WWOX: variants seen among roughly 807,000 people sequenced by gnomAD.
WWOX encodes WW domain containing oxidoreductase.
Under a neutral mutation model 46.2 loss-of-function variants are expected in WWOX, and 69 were observed. The ratio of observed to expected loss-of-function variants is 1.49; its 90% CI spans 1.23 to 1.82. The LOEUF (loss-of-function observed/expected upper bound fraction) is 1.82, where lower values mean the gene tolerates loss of function less well. WWOX is among the 40% of genes most tolerant of loss of function. The pLI is 0.00. For synonymous variants in WWOX, 359 were observed against 202.6 expected (o/e 1.77, Z -6.56); for missense variants, 919 against 542.6 (o/e 1.69, Z -6.89).
chr16:78,827,485 C>T (rs982858166), intron 8 of WWOX, among the ~76,000 whole-genome samples: 1 of 151,964 alleles, frequency 6.6e-6, no homozygotes, highest in African/African-American at 2.4e-5. Flanking sequence ...ATTTCCAGCC[C>T]CATTTTCTGG....
intron 8 of WWOX, among the ~76,000 whole-genome samples, chr16:78,709,184 C>CTG (rs774202323): frequency 2.0e-5 from 3 of 152,142 alleles, no homozygotes; most frequent in Non-Finnish European, 4.4e-5. Context: ...GAGAGGGGTT[C>CTG]TGTGTGTGTG....
intron 8 of WWOX, among the ~76,000 whole-genome samples, chr16:78,441,016 C>T (rs975196322): frequency 1.3e-5 from 2 of 152,112 alleles, no homozygotes; most frequent in East Asian, 1.9e-4. Flanking sequence ...AATCTTGGCT[C>T]ACTGCAGCCT....
At chr16:78,199,204 T>A (rs865975947) in intron 5 of WWOX, among the ~76,000 whole-genome samples, 40 of 152,006 alleles carry the variant, frequency 2.6e-4, no homozygotes, top group Admixed American at 1.6e-3. Context: ...TCCAAGCTAC[T>A]CGGGAGGCTG....
chr16:78,372,305 A>G (rs986679845), intron 5 of WWOX, among the ~76,000 whole-genome samples: 1 of 152,206 alleles, frequency 6.6e-6, no homozygotes, highest in Non-Finnish European at 1.5e-5. Flanking sequence ...CTTCATGCTT[A>G]GATATGGTTC....
chr16:78,655,954 C>T (rs2047070548), intron 8 of WWOX, among the ~76,000 whole-genome samples: 1 of 152,106 alleles, frequency 6.6e-6, no homozygotes, highest in African/African-American at 2.4e-5. Flanking sequence ...AATGCACAGC[C>T]TGGGGAGAAG....
At chr16:78,919,523 T>C (rs2045328733) in intron 8 of WWOX, among the ~76,000 whole-genome samples, 2 of 18,506 alleles carry the variant, frequency 1.1e-4, no homozygotes, top group African/African-American at 4.1e-4. Flanking sequence ...CTTTTTGTTT[T>C]GTTTTTTTTT....
chr16:78,715,605 G>A (rs532495820), intron 8 of WWOX, among the ~76,000 whole-genome samples: 2 of 151,878 alleles, frequency 1.3e-5, no homozygotes, highest in Non-Finnish European at 2.9e-5. Flanking sequence ...TGCCTCAGCC[G>A]AGTAGCTGGG....
intron 8 of WWOX, among the ~76,000 whole-genome samples, chr16:78,562,434 G>C (rs2151560093): frequency 6.6e-6 from 1 of 152,266 alleles, no homozygotes; most frequent in African/African-American, 2.4e-5. Flanking sequence ...CACATCCCCT[G>C]ATGCTGAGCA....
chr16:78,644,950 C>T (rs1332923773), intron 8 of WWOX, among the ~76,000 whole-genome samples: 3 of 152,146 alleles, frequency 2.0e-5, no homozygotes, highest in African/African-American at 7.2e-5. Context: ...TCTTTGAACT[C>T]GTTACTATTA....
intron 8 of WWOX, among the ~76,000 whole-genome samples, chr16:78,868,423 A>G (rs1030035173): frequency 1.3e-5 from 2 of 152,168 alleles, no homozygotes; most frequent in Non-Finnish European, 2.9e-5. Context: ...TTGGGGGGTC[A>G]AGAAAATGTT....
chr16:78,244,834 T>C (rs2037767044), intron 5 of WWOX, among the ~76,000 whole-genome samples: 1 of 152,140 alleles, frequency 6.6e-6, no homozygotes, highest in Non-Finnish European at 1.5e-5. Context: ...CCCCTTGGAG[T>C]TCTGTTTCTT....
intron 8 of WWOX, among the ~76,000 whole-genome samples, chr16:78,646,521 G>A (rs2046848536): frequency 6.6e-6 from 1 of 151,932 alleles, no homozygotes; most frequent in South Asian, 2.1e-4. Flanking sequence ...CCTGTCTCCC[G>A]GATTCAAGCA....
At chr16:78,680,394 C>T (rs772926490) in intron 8 of WWOX, among the ~76,000 whole-genome samples, 1 of 152,022 alleles carries the variant, frequency 6.6e-6, no homozygotes, top group East Asian at 1.9e-4. Context: ...ATTAGCTGGG[C>T]ATGGTGTCAC....
intron 5 of WWOX, among the ~76,000 whole-genome samples, chr16:78,362,368 G>A (rs1021100125): frequency 6.6e-6 from 1 of 152,182 alleles, no homozygotes; most frequent in Non-Finnish European, 1.5e-5. Flanking sequence ...CCAGCACTTT[G>A]GAAGGCCAAT....
At chr16:78,667,564 G>A (rs952108839) in intron 8 of WWOX, among the ~76,000 whole-genome samples, 2 of 151,360 alleles carry the variant, frequency 1.3e-5, no homozygotes, top group Non-Finnish European at 2.9e-5. Flanking sequence ...CCAGCTACTC[G>A]GGAGACTGAG....
chr16:78,864,534 G>T (rs1012251145), intron 8 of WWOX, among the ~76,000 whole-genome samples: 1 of 152,068 alleles, frequency 6.6e-6, no homozygotes, highest in African/African-American at 2.4e-5. Context: ...CTCCCAAAAT[G>T]CTGGGATTAT....
intron 8 of WWOX, among the ~76,000 whole-genome samples, chr16:78,680,133 G>A (rs1449155958): frequency 1.3e-5 from 2 of 152,240 alleles, no homozygotes; most frequent in Non-Finnish European, 2.9e-5. Context: ...ATCTAGGCTG[G>A]GCGTGGCGGC....
chr16:78,648,180 C>T (rs750979478), intron 8 of WWOX, among the ~76,000 whole-genome samples: 37 of 152,274 alleles, frequency 2.4e-4, no homozygotes, highest in South Asian at 6.2e-4. Flanking sequence ...TGAAAAACGG[C>T]TATTTCTTTA....
At chr16:78,753,821 AAAAAATAT>A (rs1434324835) in intron 8 of WWOX, among the ~76,000 whole-genome samples, 1 of 56,168 alleles carries the variant, frequency 1.8e-5, no homozygotes, top group African/African-American at 5.6e-5. Flanking sequence ...AAAAAAAAAA[AAAAAATAT>A]ATATATATAT....
Sources: gnomAD v4.1 joint callset for allele counts (sites outside exome capture counted in the v4.1 genomes callset) on GRCh38, gnomAD v4.1.1 for gene constraint, MANE v1.5 for transcripts, NCBI Gene and HGNC (gene_info 2026-07-23, HGNC 2026-07-21) for gene names.